The following SLC44A1 variants were observed in gnomAD, a reference collection of about 807,000 sequenced individuals.
SLC44A1 encodes the protein choline transporter-like protein 1.
Under a neutral mutation model 79.3 loss-of-function variants are expected in SLC44A1, and 26 were observed. That is an observed-to-expected ratio of 0.33 (90% CI 0.24 to 0.46). The LOEUF (loss-of-function observed/expected upper bound fraction) is 0.46. Among genes scored for constraint, SLC44A1 ranks in the 20% least tolerant of loss-of-function variants. SLC44A1 has a pLI of 1.00. For missense variants in SLC44A1, 688 were observed against 798.1 expected (o/e 0.86, Z 1.66); for synonymous variants, 263 against 286.2 (o/e 0.92, Z 0.82).
intron 15 of SLC44A1, among the ~76,000 whole-genome samples, chr9:105,415,835 C>A (rs1829162537): frequency 6.6e-6 from 1 of 151,748 alleles, no homozygotes; most frequent in African/African-American, 2.4e-5. Flanking sequence ...ATGAATGTTC[C>A]CGTTTTACGT....
At chr9:105,404,233 CAAAAAAAA>C (rs71489339) in intron 15 of SLC44A1, among the ~76,000 whole-genome samples, 5 of 44,450 alleles carry the variant, frequency 1.1e-4, no homozygotes, top group African/African-American at 3.3e-4. Context: ...GGACTCATCT[CAAAAAAAA>C]AAAAAAAAAA....
rs556652751 is a variant in SLC44A1, at chr9:105,407,102, A to G, written c.1950+21600A>G. Among the ~76,000 whole-genome samples the G allele has an allele frequency of 2.3e-3, 348 of 152,276 alleles. 1 individual carries two copies. Among genetic ancestry groups the G allele is most frequent in the Non-Finnish European group, 3.5e-3 (235 of 68,016 alleles). ...AAGGAGCAGAAAAAGAAAAGAGTGA[A>G]GAAAACTGAACAGAGCCTAGGAGAC... On this transcript the variant is annotated intron_variant, in intron 15 of 15. Coordinates refer to the SLC44A1 transcript ENST00000374724.
chr9:105,435,456 G>A (rs966464238), intron 15 of SLC44A1, among the ~76,000 whole-genome samples: 1 of 152,088 alleles, frequency 6.6e-6, no homozygotes, highest in Non-Finnish European at 1.5e-5. Context: ...CTGTTTTTTG[G>A]ACAGGGGAAG....
At chr9:105,320,346 T>A (rs1437211459) in intron 3 of SLC44A1, among the ~76,000 whole-genome samples, 1 of 150,762 alleles carries the variant, frequency 6.6e-6, no homozygotes, top group East Asian at 1.9e-4. Flanking sequence ...TAACAATTTG[T>A]GTATGTAATT....
chr9:105,356,773 A>G (rs1827636349), intron 6 of SLC44A1, among the ~76,000 whole-genome samples: 1 of 152,176 alleles, frequency 6.6e-6, no homozygotes, highest in South Asian at 2.1e-4. Context: ...TTAAGAACAC[A>G]GATTTCTGAT....
At chr9:105,397,843 G>T (rs1300821686), downstream of SLC44A1, among the ~76,000 whole-genome samples, 3 of 152,114 alleles carry the variant, frequency 2.0e-5, no homozygotes, top group Non-Finnish European at 4.4e-5. Context: ...AGCTACTCGG[G>T]AGACTGAGGC....
At chr9:105,427,021 C>T (rs1039352213) in intron 15 of SLC44A1, among the ~76,000 whole-genome samples, 8 of 152,048 alleles carry the variant, frequency 5.3e-5, no homozygotes, top group East Asian at 1.9e-4. Flanking sequence ...CTCCAACCTC[C>T]GCCTCCTAGG....
intron 1 of SLC44A1, among the ~76,000 whole-genome samples, chr9:105,271,732 GC>G (rs1564406530): frequency 6.6e-6 from 1 of 152,230 alleles, no homozygotes; most frequent in South Asian, 2.1e-4. Context: ...TCCTGCCTCA[GC>G]CTCCCAGGTA....
intron 1 of SLC44A1, among the ~76,000 whole-genome samples, chr9:105,252,095 A>G (rs1829602091): frequency 1.3e-5 from 2 of 152,186 alleles, no homozygotes; most frequent in South Asian, 4.1e-4. Flanking sequence ...AATTTCATTC[A>G]CAAGGTTTTA....
rs919015791 is a variant in SLC44A1 at position 105,392,985 on chromosome 9, C to T, written c.*3929C>T. 2 of 984,508 alleles carry T rather than the reference C, an allele frequency of 2.0e-6. No homozygotes were observed. Among genetic ancestry groups the T allele is most frequent in the African/African-American group, 3.5e-5 (2 of 57,174 alleles). 61.0% of individuals were successfully genotyped at this position (984,508 alleles called of 1,614,324 possible). On this transcript the variant is annotated 3_prime_UTR_variant, in exon 16 of 16. Coordinates refer to ENST00000374720, the MANE Select transcript of SLC44A1 (RefSeq NM_080546.5). The stretch of plus-strand genomic sequence containing the variant: ...AAAAAAACAACAACAACAAATAAAA[C>T]TCTCAGAGTCTGGAGGCTTATCAGT...
rs1327978467 is a variant in SLC44A1, at chr9:105,411,414, TTCTC to T, written c.1950+25916_1950+25919del. On this transcript the variant is annotated intron_variant, in intron 15 of 15. Coordinates refer to the SLC44A1 transcript ENST00000374724. ...TCCCTCTCTCTTGCTCTGTCTCCAT[TTCTC>T]TCTGTCTCCATCTCTCTTGGTCTCT... Among the ~76,000 whole-genome samples the T allele has an allele frequency of 2.0e-5, 3 of 151,072 alleles. No homozygotes were observed. In the East Asian group the frequency reaches 5.8e-4, roughly 29 times the overall value.
intron 13 of SLC44A1, among the ~76,000 whole-genome samples, chr9:105,379,940 G>A (rs901533981): frequency 2.0e-5 from 3 of 152,020 alleles, no homozygotes; most frequent in Admixed American, 6.6e-5. Context: ...TTGAGAATAT[G>A]AATTATTACT....
intron 3 of SLC44A1, among the ~76,000 whole-genome samples, chr9:105,311,472 A>C (rs1156836356): frequency 6.6e-6 from 1 of 152,072 alleles, no homozygotes; most frequent in Non-Finnish European, 1.5e-5. Context: ...CTCACCATAA[A>C]GTTTGTGTAA....
At chr9:105,401,562 G>T (rs1360128657), downstream of SLC44A1, among the ~76,000 whole-genome samples, 2 of 152,130 alleles carry the variant, frequency 1.3e-5, no homozygotes, top group Non-Finnish European at 2.9e-5. Context: ...CCAGGGAAAG[G>T]TCAGGAGGAG....
At chr9:105,266,339 C>T (rs901109942) in intron 1 of SLC44A1, among the ~76,000 whole-genome samples, 8 of 152,112 alleles carry the variant, frequency 5.3e-5, no homozygotes, top group African/African-American at 1.9e-4. Flanking sequence ...ACCACTGGCT[C>T]GGGAATGAAT....
intron 1 of SLC44A1, among the ~76,000 whole-genome samples, chr9:105,245,270 C>T (rs530421478): frequency 6.6e-6 from 1 of 152,222 alleles, no homozygotes; most frequent in African/African-American, 2.4e-5. Flanking sequence ...CCTGTTCTTC[C>T]GGGCCTGGCT....
At chr9:105,353,334 A>G (rs1368070559) in intron 5 of SLC44A1, among the ~76,000 whole-genome samples, 4 of 152,186 alleles carry the variant, frequency 2.6e-5, no homozygotes. Context: ...GGCAGATATT[A>G]CCCAGCATTT....
At chr9:105,428,132 C>T (rs902682962) in intron 15 of SLC44A1, among the ~76,000 whole-genome samples, 11 of 151,884 alleles carry the variant, frequency 7.2e-5, no homozygotes, top group Non-Finnish European at 5.9e-5. Flanking sequence ...ATAATCTATA[C>T]GATGTAAATT....
intron 12 of SLC44A1, among the ~76,000 whole-genome samples, chr9:105,372,995 A>G (rs1441852135): frequency 3.9e-5 from 6 of 152,106 alleles, no homozygotes; most frequent in Non-Finnish European, 5.9e-5. Flanking sequence ...GCTCAGTACA[A>G]TACTCTCTTT....
Sources: gnomAD v4.1 joint callset for allele counts (sites outside exome capture counted in the v4.1 genomes callset) on GRCh38, gnomAD v4.1.1 for gene constraint, MANE v1.5 for transcripts, NCBI Gene and HGNC (gene_info 2026-07-23, HGNC 2026-07-21) for gene names.